The following TSGA10 variants were observed in gnomAD, a reference collection of about 807,000 sequenced individuals.
TSGA10 encodes the protein testis specific 10.
In TSGA10, 43 loss-of-function variants were observed where a neutral mutation model predicts 96.6. The ratio of observed to expected loss-of-function variants is 0.44; its 90% CI spans 0.35 to 0.57. TSGA10 has a LOEUF of 0.57. Ranked by LOEUF, TSGA10 falls within the 20% of genes least tolerant of loss-of-function variation. The pLI is 0.01. For missense variants in TSGA10, 703 were observed against 834.4 expected (o/e 0.84, Z 1.94); for synonymous variants, 229 against 269.9 (o/e 0.85, Z 1.48).
At chr2:99,052,598 C>A (rs938229879) in intron 16 of TSGA10, among the ~76,000 whole-genome samples, 2 of 151,712 alleles carry the variant, frequency 1.3e-5, no homozygotes, top group African/African-American at 2.4e-5. Flanking sequence ...ATTAGCCGGG[C>A]GTGGTGGCAG....
At chr2:99,089,787 A>C (rs1385219329) in intron 10 of TSGA10, among the ~76,000 whole-genome samples, 1 of 152,078 alleles carries the variant, frequency 6.6e-6, no homozygotes, top group Non-Finnish European at 1.5e-5. Flanking sequence ...CTCTGACATG[A>C]CTAACCCTGC....
intron 2 of TSGA10, among the ~76,000 whole-genome samples, chr2:99,121,289 G>A (rs2092556270): frequency 6.6e-6 from 1 of 152,010 alleles, no homozygotes; most frequent in Non-Finnish European, 1.5e-5. Context: ...TACCAGGAAT[G>A]GATGAGTGAT....
chr2:99,021,542 C>G (rs1168115692), intron 17 of TSGA10, among the ~76,000 whole-genome samples: 2 of 152,040 alleles, frequency 1.3e-5, no homozygotes, highest in African/African-American at 4.8e-5. Context: ...ATCAAATAAA[C>G]TAAAACAAGA....
At chr2:99,053,833 T>C (rs1220433200) in intron 16 of TSGA10, among the ~76,000 whole-genome samples, 2 of 151,990 alleles carry the variant, frequency 1.3e-5, no homozygotes, top group Non-Finnish European at 2.9e-5. Flanking sequence ...AGAAAAAAGA[T>C]GCTATATGTT....
At position 99,105,353 on chromosome 2, in the gene TSGA10, T is replaced by G. The variant is rs756488967; in HGVS notation, c.459+6A>C. On this transcript the variant is annotated splice_donor_region_variant and intron_variant, in intron 9 of 20. Transcript: ENST00000393483. The stretch of plus-strand genomic sequence containing the variant: ...AAAAGAGACTTTTCTTTTTTTTTTT[T>G]TTTACATTATGAACTGTACACTCCA... 9 of 1,583,192 alleles carry G rather than the reference T, an allele frequency of 5.7e-6. No individual in the cohort carries two copies. The African/African-American group carries it at 6.9e-5, about 12-fold the overall frequency.
At chr2:99,091,659 A>G (rs773777530) in intron 10 of TSGA10, among the ~76,000 whole-genome samples, 1 of 152,176 alleles carries the variant, frequency 6.6e-6, no homozygotes, top group Admixed American at 6.5e-5. Flanking sequence ...AGCTATTCTT[A>G]TATCAGACAA....
intron 20 of TSGA10, among the ~76,000 whole-genome samples, chr2:99,002,456 G>A (rs1344941398): frequency 6.6e-6 from 1 of 152,132 alleles, no homozygotes; most frequent in African/African-American, 2.4e-5. Context: ...GTCACCACCA[G>A]GCCTGCCCTA....
rs1178677647 is a variant in TSGA10 at position 99,073,992 on chromosome 2, TTTC to T, written c.883-922_883-920del. On this transcript the variant is annotated intron_variant, in intron 12 of 20. Transcript: ENST00000393483. Reference sequence around the variant, plus strand: ...TATTTTCCAACCAATTCTGTTCCTGTTTCTTTTCTTTTTTTTTTTTTTTTTTTT... The same window carrying T: ...TATTTTCCAACCAATTCTGTTCCTGTTTTTCTTTTTTTTTTTTTTTTTTTT... 2.8e-5 allele frequency among the ~76,000 whole-genome samples: 4 copies of T among 141,512 alleles called. No individual in the cohort carries two copies. The East Asian group carries it at 8.0e-4, about 28-fold the overall frequency. 92.8% of individuals were successfully genotyped at this position (141,512 alleles called of 152,430 possible).
chr2:99,068,931 G>A lies in TSGA10; in HGVS notation c.1175C>T (p.Thr392Ile). 6.8e-7 allele frequency: 1 copy of A among 1,464,312 alleles called. No homozygotes were observed. Among genetic ancestry groups the A allele is most frequent in the Non-Finnish European group, 9.0e-7 (1 of 1,111,676 alleles). 90.7% of individuals were successfully genotyped at this position (1,464,312 alleles called of 1,614,324 possible). A position where few individuals can be genotyped will look rare whatever the true frequency, so the allele number is the denominator to read the frequency against. ...LNDIKQKVQDTNLEVNKLKNI... is the reference protein window; with the variant it reads ...LNDIKQKVQDINLEVNKLKNI... ...CTTCAGCTTGTTAACCTCCAAATTA[G>A]TATCTTGAACCTTCTGTTTTATGTC... Residue 392 changes from threonine to isoleucine, a missense_variant, in exon 15 of 21, where the codon ACT becomes ATT. By Grantham distance (89) the Thr-to-Ile change is moderately conservative. Around this residue, in one of 3 missense-constraint regions of TSGA10, gnomAD observed 585 missense variants for 656.8 expected, o/e 0.89. Transcript: ENST00000393483.
chr2:99,064,857 TA>T, intron 16 of TSGA10, 81 bp downstream of exon 16: 1 of 1,181,144 alleles, frequency 8.5e-7, no homozygotes, highest in Non-Finnish European at 1.2e-6. Flanking sequence ...TGTTTGTTCA[TA>T]CATTTAATTT....
At chr2:99,142,423 C>G (rs2093577274) in intron 1 of TSGA10, 1 of 152,130 alleles carries the variant, frequency 6.6e-6, no homozygotes, top group African/African-American at 2.4e-5. Flanking sequence ...TTTTTCCCCC[C>G]ACAAGATATC....
intron 16 of TSGA10, among the ~76,000 whole-genome samples, chr2:99,063,313 T>C (rs1369390588): frequency 1.3e-5 from 2 of 152,118 alleles, no homozygotes; most frequent in African/African-American, 4.8e-5. Context: ...GGCCTTGGGA[T>C]TGTATAGGAT....
At position 99,121,833 on chromosome 2, in the gene TSGA10, A is replaced by T. The variant is rs566568892; in HGVS notation, c.-491-3147T>A. ...TTTTATGAGTCATGCTTTTGGTATC[A>T]TATCTAAGAACTTTCCATCCAAGCC... On this transcript the variant is annotated intron_variant, in intron 2 of 20. Transcript: ENST00000393483. Among the ~76,000 whole-genome samples, 79 of 152,322 alleles carry T rather than the reference A, an allele frequency of 5.2e-4. 4 individuals carry two copies. In the South Asian group the frequency reaches 0.016, roughly 31 times the overall value.
chr2:99,113,670 C>T (rs527870317), intron 4 of TSGA10, among the ~76,000 whole-genome samples: 10 of 152,122 alleles, frequency 6.6e-5, no homozygotes, highest in African/African-American at 1.4e-4. Flanking sequence ...CTCAGCCTCC[C>T]GGGTAGCTGG....
intron 9 of TSGA10, 108 bp downstream of exon 9, chr2:99,105,251 A>T (rs72957193): frequency 5.4e-6 from 5 of 921,200 alleles, no homozygotes; most frequent in Admixed American, 5.4e-5. Flanking sequence ...GACTATAAAC[A>T]CTATCTTAGA....
Position 99,075,542 on chromosome 2 carries a change from C to A in TSGA10, c.883-2469G>T, listed in dbSNP as rs138830349. Among the ~76,000 whole-genome samples, 13 of 152,256 alleles carry A rather than the reference C, an allele frequency of 8.5e-5. No individual in the cohort carries two copies. The East Asian group carries it at 2.5e-3, about 29-fold the overall frequency. ...TAGACTTTTCCATGCTAATTTATTTCTGTAATCTCTATATGAACAGTATTA... is the reference window on the plus strand; with the variant it reads ...TAGACTTTTCCATGCTAATTTATTTATGTAATCTCTATATGAACAGTATTA... On this transcript the variant is annotated intron_variant, in intron 12 of 20. Transcript: ENST00000393483.
chr2:99,052,620 C>T (rs1466303659), intron 16 of TSGA10, among the ~76,000 whole-genome samples: 1 of 151,972 alleles, frequency 6.6e-6, no homozygotes, highest in East Asian at 1.9e-4. Flanking sequence ...CGCCTGTAGT[C>T]CCAGCTACTT....
chr2:99,072,512 T>C (rs764048559), intron 13 of TSGA10, among the ~76,000 whole-genome samples: 5 of 152,166 alleles, frequency 3.3e-5, no homozygotes, highest in African/African-American at 7.2e-5. Flanking sequence ...TTTCCTGGTG[T>C]CTCTCCCTCA....
chr2:99,049,315 G>C (rs1363446825), intron 16 of TSGA10, among the ~76,000 whole-genome samples: 2 of 152,148 alleles, frequency 1.3e-5, no homozygotes, highest in East Asian at 1.9e-4. Context: ...CAATAGCAAA[G>C]ACTTGGAACC....
Sources: gnomAD v4.1 joint callset for allele counts (sites outside exome capture counted in the v4.1 genomes callset) on GRCh38, gnomAD v4.1.1 for gene constraint, gnomAD v4.1.1 regional missense constraint, MANE v1.5 for transcripts, NCBI Gene and HGNC (gene_info 2026-07-23, HGNC 2026-07-21) for gene names.